COLEC12: variants seen among roughly 807,000 people sequenced by gnomAD.
COLEC12 encodes the protein collectin subfamily member 12.
COLEC12 carries 33 observed loss-of-function variants against 71.1 expected under a neutral mutation model. That is an observed-to-expected ratio of 0.46 (90% CI 0.35 to 0.62). The LOEUF (loss-of-function observed/expected upper bound fraction) is 0.62, where lower values mean the gene tolerates loss of function less well. Ranked by LOEUF, COLEC12 falls within the 20% of genes least tolerant of loss-of-function variation. The pLI, the probability that COLEC12 is intolerant of heterozygous loss-of-function variation, is 0.00. For synonymous variants in COLEC12, 350 were observed against 353.0 expected (o/e 0.99, Z 0.10); for missense variants, 765 against 916.1 (o/e 0.84, Z 2.13).
At chr18:391,765 G>A (rs1915468402) in intron 2 of COLEC12, among the ~76,000 whole-genome samples, 1 of 152,180 alleles carries the variant, frequency 6.6e-6, no homozygotes, top group East Asian at 1.9e-4. Flanking sequence ...GTTGGCAGGA[G>A]GTGGCAATAG....
intron 2 of COLEC12, among the ~76,000 whole-genome samples, chr18:388,563 T>C (rs1295668950): frequency 6.6e-6 from 1 of 152,194 alleles, no homozygotes; most frequent in Non-Finnish European, 1.5e-5. Context: ...CAACCACACA[T>C]CAGTGATGTT....
At chr18:330,355 G>A (rs1913944324) in intron 8 of COLEC12, among the ~76,000 whole-genome samples, 1 of 152,110 alleles carries the variant, frequency 6.6e-6, no homozygotes. Flanking sequence ...TCCTGGGACA[G>A]CCCCAGAGGC....
At chr18:363,262 T>A (rs1914786864) in intron 2 of COLEC12, among the ~76,000 whole-genome samples, 1 of 152,182 alleles carries the variant, frequency 6.6e-6, no homozygotes, top group Admixed American at 6.5e-5. Context: ...CACTCTCATA[T>A]TTTTTTGCCA....
chr18:361,803 C>T (rs995562325), intron 2 of COLEC12, among the ~76,000 whole-genome samples: 23 of 152,176 alleles, frequency 1.5e-4, no homozygotes, highest in South Asian at 4.1e-4. Context: ...CCTGACCTCC[C>T]GCTGAAGGAC....
At chr18:453,248 G>T (rs1480790623) in intron 2 of COLEC12, among the ~76,000 whole-genome samples, 2 of 152,184 alleles carry the variant, frequency 1.3e-5, no homozygotes, top group African/African-American at 2.4e-5. Context: ...AACGTGCTAG[G>T]AGACACAAGG....
intron 1 of COLEC12, among the ~76,000 whole-genome samples, chr18:482,171 A>G (rs1917432691): frequency 6.7e-6 from 1 of 149,518 alleles, no homozygotes; most frequent in East Asian, 2.0e-4. Context: ...GCTGAAGTGC[A>G]GTGGCGCGAT....
chr18:500,433 C>A lies in COLEC12; in HGVS notation c.7+75G>T. The stretch of plus-strand genomic sequence containing the variant: ...CCCAAGGGAAGGTTCGCGCGGGAGG[C>A]ACCTCCGTGGCCTCCCGCGCGCCCC... On this transcript the variant is annotated intron_variant, in intron 1 of 9. Coordinates refer to ENST00000400256, the MANE Select transcript of COLEC12 (RefSeq NM_130386.3). This position sits in a 1 kb window ranked among gnomAD's most constrained non-coding sequence, Gnocchi z 5.3. 3.9e-6 allele frequency: 4 copies of A among 1,027,366 alleles called. No homozygotes were observed. Among genetic ancestry groups the A allele is most frequent in the Non-Finnish European group, 4.9e-6 (4 of 815,414 alleles). 63.6% of individuals were successfully genotyped at this position (1,027,366 alleles called of 1,614,324 possible).
intron 2 of COLEC12, among the ~76,000 whole-genome samples, chr18:471,137 T>C (rs1917187527): frequency 6.6e-6 from 1 of 152,144 alleles, no homozygotes; most frequent in Admixed American, 6.5e-5. Flanking sequence ...AAAATACAAC[T>C]ACCAGAGTGT....
rs1408121635 is a variant in COLEC12 at position 399,837 on chromosome 18, G to T, written c.59-42315C>A. Among the ~76,000 whole-genome samples the T allele has an allele frequency of 6.6e-6, 1 of 152,136 alleles. No homozygotes were observed. The highest frequency in any genetic ancestry group is 1.5e-5 in the Non-Finnish European group (1 of 68,034). On this transcript the variant is annotated intron_variant, in intron 2 of 9. Transcript: ENST00000400256. This position sits in a 1 kb window ranked among gnomAD's most constrained non-coding sequence, Gnocchi z 4.0. Reference sequence around the variant, plus strand: ...TGGTGAGGACTATGCTGGTGCACTTGGCAAATTTATTTTCATCTGCTTCAC... The same window carrying T: ...TGGTGAGGACTATGCTGGTGCACTTTGCAAATTTATTTTCATCTGCTTCAC...
intron 2 of COLEC12, among the ~76,000 whole-genome samples, chr18:397,130 T>C (rs909396522): frequency 1.3e-5 from 2 of 152,328 alleles, no homozygotes; most frequent in African/African-American, 4.8e-5. Context: ...AGATTTCCTG[T>C]CCTTCTGATT....
Position 384,153 on chromosome 18 carries a change from C to A in COLEC12, c.59-26631G>T, listed in dbSNP as rs116811311. On this transcript the variant is annotated intron_variant, in intron 2 of 9. Coordinates refer to ENST00000400256, the MANE Select transcript of COLEC12 (RefSeq NM_130386.3). Reference sequence around the variant, plus strand: ...CTGAATCTTGGCTACAATCGACATACCCAAGAAGCTTTTATAAATCTTGAT... The same window carrying A: ...CTGAATCTTGGCTACAATCGACATAACCAAGAAGCTTTTATAAATCTTGAT... Among the ~76,000 whole-genome samples the A allele has an allele frequency of 9.1e-3, 1,380 of 152,226 alleles. 22 individuals are homozygous for A. The highest frequency in any genetic ancestry group is 0.031 in the African/African-American group (1,285 of 41,528).
In COLEC12 at chr18:346,179, T is replaced by C; in HGVS notation, c.1327+116A>G. 1 of 757,790 alleles carries C rather than the reference T, an allele frequency of 1.3e-6. No individual in the cohort carries two copies. The highest frequency in any genetic ancestry group is 2.1e-6 in the Non-Finnish European group (1 of 475,080). The allele number at this position is 757,790 out of a possible 1,614,324, so 46.9% of individuals were successfully genotyped here. On this transcript the variant is annotated intron_variant, in intron 5 of 9. Transcript: ENST00000400256. The surrounding 1 kb of genome is among the most constrained non-coding windows in gnomAD (Gnocchi z 4.0). ...AGCTAAGCTGCTCTTGAATTCCTGG[T>C]CCACAAAAACTATGAGATGATGAAT...
intron 2 of COLEC12, among the ~76,000 whole-genome samples, chr18:436,379 C>T (rs1236425092): frequency 1.3e-5 from 2 of 151,646 alleles, no homozygotes; most frequent in Non-Finnish European, 2.9e-5. Context: ...GGTGTGGTGG[C>T]GGGTACATGT....
chr18:487,055 A>C (rs1354212571), intron 1 of COLEC12, among the ~76,000 whole-genome samples: 3 of 152,188 alleles, frequency 2.0e-5, no homozygotes, highest in African/African-American at 7.2e-5. Flanking sequence ...CAGCAAAAAA[A>C]GGGGGGGAGA....
chr18:378,383 C>T (rs1212816127), intron 2 of COLEC12, among the ~76,000 whole-genome samples: 2 of 152,290 alleles, frequency 1.3e-5, no homozygotes, highest in Non-Finnish European at 2.9e-5. Context: ...TAAGTTGCTC[C>T]ACTGTTTAGG....
rs1036966101 is a variant in COLEC12 at position 334,943 on chromosome 18, C to T, written c.1615G>A (p.Gly539Ser). The T allele has an allele frequency of 8.9e-6, 14 of 1,571,236 alleles. No homozygotes were observed. Among genetic ancestry groups the T allele is most frequent in the African/African-American group, 2.8e-5 (2 of 71,760 alleles). Reference sequence around the variant, plus strand: ...TGGAAGCCAGGAGGGCCCTGAGGGCCGGGGAGTCCCTCTTTGCCTGGTGGG... The same window carrying T: ...TGGAAGCCAGGAGGGCCCTGAGGGCTGGGGAGTCCCTCTTTGCCTGGTGGG... ...PGPPGKEGLP[G>S]PQGPPGFQGL... is the part of the protein sequence containing the mutation. Residue 539 changes from glycine to serine, a missense_variant, in exon 6 of 10, where the codon GGC becomes AGC. Physicochemically the swap from Gly to Ser is moderately conservative, Grantham distance 56 (BLOSUM62 0). Coordinates refer to ENST00000400256, the MANE Select transcript of COLEC12 (RefSeq NM_130386.3).
At chr18:342,381 C>T (rs1914275224) in intron 5 of COLEC12, among the ~76,000 whole-genome samples, 1 of 152,270 alleles carries the variant, frequency 6.6e-6, no homozygotes, top group Non-Finnish European at 1.5e-5. Context: ...TCGGCACAGT[C>T]AGTCAGCTTC....
At chr18:484,289 C>T (rs1917479440) in intron 1 of COLEC12, among the ~76,000 whole-genome samples, 1 of 152,192 alleles carries the variant, frequency 6.6e-6, no homozygotes, top group East Asian at 1.9e-4. Context: ...CCTGCTTCTA[C>T]CTCCAAATTA....
Position 334,445 on chromosome 18 carries a change from C to T in COLEC12, c.1816+297G>A, listed in dbSNP as rs149875900. On this transcript the variant is annotated intron_variant, in intron 6 of 9. Transcript: ENST00000400256. Reference sequence around the variant, plus strand: ...GAGTTTGAGACCAGCCTGGCCAACACGGTGAAACCCCCTCTCTACTAAAAA... The same window carrying T: ...GAGTTTGAGACCAGCCTGGCCAACATGGTGAAACCCCCTCTCTACTAAAAA... 631 of 200,194 alleles carry T rather than the reference C, an allele frequency of 3.2e-3. 1 individual carries two copies. Among genetic ancestry groups the T allele is most frequent in the Middle Eastern group, 0.02 (11 of 562 alleles). The allele number at this position is 200,194 out of a possible 1,614,324, so 12.4% of individuals were successfully genotyped here.
Sources: gnomAD v4.1 joint callset for allele counts (sites outside exome capture counted in the v4.1 genomes callset) on GRCh38, gnomAD v4.1.1 for gene constraint, Gnocchi (gnomAD v3.1) non-coding constraint, MANE v1.5 for transcripts, NCBI Gene and HGNC (gene_info 2026-07-23, HGNC 2026-07-21) for gene names.